PPP2R3A: variants seen among roughly 807,000 people sequenced by gnomAD.
PPP2R3A encodes the protein serine/threonine-protein phosphatase 2A regulatory subunit B'' subunit alpha.
PPP2R3A carries 80 observed loss-of-function variants against 106.9 expected under a neutral mutation model. That is an observed-to-expected ratio of 0.75 (90% confidence interval 0.62 to 0.90). PPP2R3A has a LOEUF of 0.90. PPP2R3A is among the 40% of genes least tolerant of loss of function. The pLI is 0.00. For missense variants in PPP2R3A, 1,386 were observed against 1,350.4 expected, an observed-to-expected ratio of 1.03 and a Z score of -0.41; for synonymous variants, 483 against 468.3, an observed-to-expected ratio of 1.03 and a Z score of -0.41.
chr3:135,987,440 T>G (rs1932968426), intron 1 of PPP2R3A, among the ~76,000 whole-genome samples: 1 of 152,102 alleles, frequency 6.6e-6, no homozygotes, highest in Admixed American at 6.5e-5. Context: ...TAATGGGCCA[T>G]AAGCATGCTT....
At chr3:135,970,568 T>A (rs1937216737) in intron 1 of PPP2R3A, among the ~76,000 whole-genome samples, 1 of 152,154 alleles carries the variant, frequency 6.6e-6, no homozygotes, top group African/African-American at 2.4e-5. Flanking sequence ...TCTGTTGAAT[T>A]TAGCAAGATG....
chr3:135,984,454 A>T (rs935658069), intron 1 of PPP2R3A, among the ~76,000 whole-genome samples: 1 of 152,156 alleles, frequency 6.6e-6, no homozygotes, highest in African/African-American at 2.4e-5. Context: ...CAATCCTAGT[A>T]ATATGGTTTG....
rs150811148 is a variant in PPP2R3A at position 135,980,828 on chromosome 3, C to T, written c.-441+14979C>T. ...ACTGATGTTCAAGTGTCTTAGTTTTCCCACACCCACGTAGTGGAGTTTGGT... is the reference window on the plus strand; with the variant it reads ...ACTGATGTTCAAGTGTCTTAGTTTTTCCACACCCACGTAGTGGAGTTTGGT... On this transcript the variant is annotated intron_variant, in intron 1 of 13. Transcript: ENST00000264977. Among the ~76,000 whole-genome samples, 5 of 151,920 alleles carry T rather than the reference C, an allele frequency of 3.3e-5. No individual in the cohort carries two copies. The East Asian group carries it at 9.6e-4, about 29-fold the overall frequency.
intron 1 of PPP2R3A, among the ~76,000 whole-genome samples, chr3:135,981,138 T>TA (rs1156835971): frequency 6.6e-6 from 1 of 151,900 alleles, no homozygotes; most frequent in African/African-American, 2.4e-5. Flanking sequence ...GGGTCCACCT[T>TA]ACTGGTGAGC....
Position 136,049,246 on chromosome 3 carries a change from G to GT in PPP2R3A, c.2367-10dup. On this transcript the variant is annotated splice_polypyrimidine_tract_variant and intron_variant, in intron 4 of 13. Transcript: ENST00000264977. ...GAGGAACTAATCTTCCTAAGCAGTT[G>GT]TTTCTTTTATAGGTTGCTGAATAAC... 2.5e-6 allele frequency: 4 copies of GT among 1,585,308 alleles called. No homozygotes were observed. Among genetic ancestry groups the GT allele is most frequent in the Non-Finnish European group, 3.4e-6 (4 of 1,160,746 alleles).
intron 13 of PPP2R3A, among the ~76,000 whole-genome samples, chr3:136,114,622 G>A (rs996371645): frequency 2.0e-5 from 3 of 152,196 alleles, no homozygotes; most frequent in Non-Finnish European, 4.4e-5. Flanking sequence ...GCATTGCTGA[G>A]GCTTGAGTAT....
chr3:135,995,439 G>A (rs1054410714), intron 1 of PPP2R3A, among the ~76,000 whole-genome samples: 5 of 141,996 alleles, frequency 3.5e-5, no homozygotes, highest in South Asian at 4.4e-4. Context: ...TGAGACTTAC[G>A]TTGACAGATT....
intron 1 of PPP2R3A, among the ~76,000 whole-genome samples, chr3:135,992,404 T>G (rs1280716815): frequency 6.6e-6 from 1 of 152,208 alleles, no homozygotes; most frequent in Non-Finnish European, 1.5e-5. Flanking sequence ...ACTCTGTCTT[T>G]TCTTTATGAT....
chr3:136,051,999 C>A (rs993302310), intron 5 of PPP2R3A, among the ~76,000 whole-genome samples: 1 of 151,894 alleles, frequency 6.6e-6, no homozygotes, highest in African/African-American at 2.4e-5. Context: ...GTTTTGTTCC[C>A]CTAAAAAAAA....
chr3:136,080,076 G>A (rs917815543), intron 7 of PPP2R3A, among the ~76,000 whole-genome samples: 3 of 152,148 alleles, frequency 2.0e-5, no homozygotes, highest in Non-Finnish European at 4.4e-5. Flanking sequence ...TATACATGTA[G>A]TATATAGTTT....
intron 3 of PPP2R3A, among the ~76,000 whole-genome samples, chr3:136,028,002 C>A (rs1191504655): frequency 6.6e-6 from 1 of 152,224 alleles, no homozygotes; most frequent in Non-Finnish European, 1.5e-5. Flanking sequence ...CCTCAAACTT[C>A]TCTTCCTGGC....
intron 1 of PPP2R3A, among the ~76,000 whole-genome samples, chr3:135,968,635 C>T (rs778285914): frequency 2.8e-5 from 4 of 145,038 alleles, no homozygotes; most frequent in African/African-American, 7.7e-5. Context: ...TTAAGACCGA[C>T]GCCTGGGCCC....
intron 3 of PPP2R3A, among the ~76,000 whole-genome samples, chr3:136,028,966 C>A (rs1267307681): frequency 6.6e-6 from 1 of 152,136 alleles, no homozygotes; most frequent in Non-Finnish European, 1.5e-5. Context: ...GATTCTCCTG[C>A]CTCAGCCTCC....
At chr3:136,074,365 C>T (rs1232999745) in intron 6 of PPP2R3A, among the ~76,000 whole-genome samples, 5 of 151,924 alleles carry the variant, frequency 3.3e-5, no homozygotes, top group Non-Finnish European at 1.5e-5. Context: ...CATCATTACC[C>T]AAAAAAAGAG....
rs1051568249 is a variant in PPP2R3A, at chr3:136,134,357, A to C, written c.3330-10686A>C. Among the ~76,000 whole-genome samples, 7 of 152,342 alleles carry C rather than the reference A, an allele frequency of 4.6e-5. No individual in the cohort carries two copies. The East Asian group carries it at 1.3e-3, about 29-fold the overall frequency. On this transcript the variant is annotated intron_variant, in intron 13 of 13. Coordinates refer to ENST00000264977, the MANE Select transcript of PPP2R3A (RefSeq NM_002718.5). ...TCCCTGATAGTAATTCTGAGTATCT[A>C]TTGTAAATAATCAGAAATTTGGATA...
chr3:136,018,535 A>C (rs1934354972), intron 2 of PPP2R3A, among the ~76,000 whole-genome samples: 1 of 152,210 alleles, frequency 6.6e-6, no homozygotes, highest in African/African-American at 2.4e-5. Flanking sequence ...AGTTCTAAGA[A>C]ATCTGTCTTG....
intron 1 of PPP2R3A, among the ~76,000 whole-genome samples, chr3:135,988,823 T>C (rs1933036337): frequency 6.6e-6 from 1 of 152,130 alleles, no homozygotes; most frequent in Non-Finnish European, 1.5e-5. Flanking sequence ...ATCTAAAGGA[T>C]TGATTAGATT....
At chr3:136,124,935 A>G (rs1938129482) in intron 13 of PPP2R3A, among the ~76,000 whole-genome samples, 2 of 152,204 alleles carry the variant, frequency 1.3e-5, no homozygotes, top group Non-Finnish European at 2.9e-5. Flanking sequence ...TCAAATTACA[A>G]AAACTGACTC....
At chr3:136,142,410 TAA>T (rs1451680293) in intron 13 of PPP2R3A, among the ~76,000 whole-genome samples, 6 of 151,720 alleles carry the variant, frequency 4.0e-5, no homozygotes, top group Admixed American at 3.9e-4. Context: ...CCACCAAAAT[TAA>T]GAGGAGTCTC....
Sources: gnomAD v4.1 joint callset for allele counts (sites outside exome capture counted in the v4.1 genomes callset) on GRCh38, gnomAD v4.1.1 for gene constraint, MANE v1.5 for transcripts, NCBI Gene and HGNC (gene_info 2026-07-23, HGNC 2026-07-21) for gene names.